CFHR3: variants seen among roughly 807,000 people sequenced by gnomAD.
CFHR3 encodes complement factor H related 3, also known as complement factor H-related protein 3.
Under a neutral mutation model 36.0 loss-of-function variants are expected in CFHR3, and 22 were observed. That is an observed-to-expected ratio of 0.61 (90% CI 0.44 to 0.87). The LOEUF (loss-of-function observed/expected upper bound fraction) is 0.87, where lower values mean the gene tolerates loss of function less well. Among genes scored for constraint, CFHR3 ranks in the 40% least tolerant of loss-of-function variants. CFHR3 has a pLI of 0.00. For missense variants in CFHR3, 276 were observed against 401.3 expected, an observed-to-expected ratio of 0.69 and a Z score of 2.67; for synonymous variants, 97 against 137.4, an observed-to-expected ratio of 0.71 and a Z score of 2.06.
In CFHR3 at chr1:196,788,770, C is replaced by A. The variant is rs181861109; in HGVS notation, c.613+372C>A. On this transcript the variant is annotated intron_variant, in intron 4 of 5. Coordinates refer to ENST00000367425, the MANE Select transcript of CFHR3 (RefSeq NM_021023.6). ...CTGCTTGTATTGCATTCCGTGCTCA[C>A]GCTCAGAAAAGTTGTACATGTCGGG... is the stretch of plus-strand genomic sequence containing the variant. The A allele has an allele frequency of 6.9e-6, 10 of 1,454,990 alleles. 3 individuals are homozygous for A. The highest frequency in any genetic ancestry group is 9.1e-6 in the Non-Finnish European group (10 of 1,098,032). The allele number at this position is 1,454,990 out of a possible 1,614,324, so 90.1% of individuals were successfully genotyped here.
chr1:196,783,111 A>T lies in CFHR3; in HGVS notation c.430+3138A>T, dbSNP rs979060764. Among the ~76,000 whole-genome samples, 7 of 136,242 alleles carry T rather than the reference A, an allele frequency of 5.1e-5. 1 individual carries two copies. Among genetic ancestry groups the T allele is most frequent in the Non-Finnish European group, 1.1e-4 (7 of 64,410 alleles). The allele number at this position is 136,242 out of a possible 152,430, so 89.4% of individuals were successfully genotyped here. On this transcript the variant is annotated intron_variant, in intron 3 of 5. Transcript: ENST00000367425. Reference sequence around the variant, plus strand: ...TCTATATGCTGGATTACATTTATTGATTTGCGTATATTGAACTAGCCTTGC... The same window carrying T: ...TCTATATGCTGGATTACATTTATTGTTTTGCGTATATTGAACTAGCCTTGC...
intron 3 of CFHR3, among the ~76,000 whole-genome samples, chr1:196,783,183 T>C (rs1202846607): frequency 7.3e-6 from 1 of 136,574 alleles, no homozygotes; most frequent in Non-Finnish European, 1.5e-5. Context: ...AGCTTTTTGA[T>C]GTGCTGTTGG....
At position 196,788,978 on chromosome 1, in the gene CFHR3, T is replaced by C; in HGVS notation, c.613+580T>C. The C allele has an allele frequency of 5.3e-6, 7 of 1,321,576 alleles. 2 individuals are homozygous for C. Among genetic ancestry groups the C allele is most frequent in the Non-Finnish European group, 6.8e-6 (7 of 1,030,918 alleles). 81.9% of individuals were successfully genotyped at this position (1,321,576 alleles called of 1,614,324 possible). On this transcript the variant is annotated intron_variant, in intron 4 of 5. Transcript: ENST00000367425. ...GTGGGCTGAATGTTTACAAACCTCA[T>C]ACTTGCCAATGGATTCTTTACATGT...
In CFHR3 at chr1:196,783,767, T is replaced by C. The variant is rs907606397; in HGVS notation, c.430+3794T>C. 8.0e-5 allele frequency among the ~76,000 whole-genome samples: 11 copies of C among 136,860 alleles called. 1 individual carries two copies. The highest frequency in any genetic ancestry group is 1.5e-4 in the Non-Finnish European group (10 of 64,600). The allele number at this position is 136,860 out of a possible 152,430, so 89.8% of individuals were successfully genotyped here. ...TTCAAAAAACCAGCTCCTGGATTCA[T>C]TAATTTTTTGACAGGCTTTTTGTGC... On this transcript the variant is annotated intron_variant, in intron 3 of 5. Transcript: ENST00000367425.
At chr1:196,775,849 C>A (rs1236625901) in intron 1 of CFHR3, among the ~76,000 whole-genome samples, 1 of 136,896 alleles carries the variant, frequency 7.3e-6, no homozygotes, top group Non-Finnish European at 1.6e-5. Context: ...CTGGAAATCC[C>A]ATTATCAATT....
chr1:196,779,543 T>C (rs1418632861), intron 2 of CFHR3, among the ~76,000 whole-genome samples, 187 bp downstream of exon 2: 1 of 136,598 alleles, frequency 7.3e-6, no homozygotes, highest in Non-Finnish European at 1.6e-5. Flanking sequence ...GAAAAATAAA[T>C]ATAGAGACTT....
In CFHR3 at chr1:196,788,649, A is replaced by G; in HGVS notation, c.613+251A>G. On this transcript the variant is annotated intron_variant, in intron 4 of 5. Transcript: ENST00000367425. ...ATAAAAGCAATCTTATCATGTACAGACTAGTTAGGGAGCTGCATGAGAGTA... is the reference window on the plus strand; with the variant it reads ...ATAAAAGCAATCTTATCATGTACAGGCTAGTTAGGGAGCTGCATGAGAGTA... 10 of 1,423,200 alleles carry G rather than the reference A, an allele frequency of 7.0e-6. 2 individuals are homozygous for G. Among genetic ancestry groups the G allele is most frequent in the Non-Finnish European group, 8.4e-6 (9 of 1,067,762 alleles). 88.2% of individuals were successfully genotyped at this position (1,423,200 alleles called of 1,614,324 possible).
chr1:196,791,522 G>C (rs56232542), intron 5 of CFHR3, among the ~76,000 whole-genome samples: 5,333 of 94,882 alleles, frequency 0.056, 388 homozygotes, highest in East Asian at 0.18. Flanking sequence ...ACAAGCAGTT[G>C]TTTTCTGTGA....
At chr1:196,785,692 C>T (rs1258048034) in intron 3 of CFHR3, among the ~76,000 whole-genome samples, 3 of 136,934 alleles carry the variant, frequency 2.2e-5, no homozygotes, top group Non-Finnish European at 4.6e-5. Flanking sequence ...GGTTATTCTA[C>T]TTATACATTT....
chr1:196,795,169 G>C lies in CFHR3; in HGVS notation c.*1656G>C, dbSNP rs1462977681. The C allele has an allele frequency of 7.3e-6, 1 of 136,784 alleles. No individual in the cohort carries two copies. Among genetic ancestry groups the C allele is most frequent in the Non-Finnish European group, 1.5e-5 (1 of 64,550 alleles). 8.5% of individuals were successfully genotyped at this position (136,784 alleles called of 1,614,324 possible). On this transcript the variant is annotated 3_prime_UTR_variant, in exon 6 of 6. Coordinates refer to ENST00000367425, the MANE Select transcript of CFHR3 (RefSeq NM_021023.6). ...ATTATATAATCACCATGCATCAAAGGTAGGGCCAGGTGGAGATAATGGAAT... is the reference window on the plus strand; with the variant it reads ...ATTATATAATCACCATGCATCAAAGCTAGGGCCAGGTGGAGATAATGGAAT...
At position 196,791,494 on chromosome 1, in the gene CFHR3, T is replaced by C. The variant is rs1458269147; in HGVS notation, c.796+1267T>C. ...TCATGAGTTTTTCAAGTGCTCAAGT[T>C]CCTAAGTACAGGATGATACAAGCAG... On this transcript the variant is annotated intron_variant, in intron 5 of 5. Coordinates refer to ENST00000367425, the MANE Select transcript of CFHR3 (RefSeq NM_021023.6). 1.7e-5 allele frequency among the ~76,000 whole-genome samples: 2 copies of C among 116,828 alleles called. 1 individual carries two copies. The highest frequency in any genetic ancestry group is 1.6e-4 in the Admixed American group (2 of 12,170). 76.6% of individuals were successfully genotyped at this position (116,828 alleles called of 152,430 possible).
Position 196,781,672 on chromosome 1 carries a change from G to T in CFHR3, c.430+1699G>T, listed in dbSNP as rs1215729853. Among the ~76,000 whole-genome samples, 2 of 135,088 alleles carry T rather than the reference G, an allele frequency of 1.5e-5. 1 individual carries two copies. Among genetic ancestry groups the T allele is most frequent in the Non-Finnish European group, 3.1e-5 (2 of 64,146 alleles). 88.6% of individuals were successfully genotyped at this position (135,088 alleles called of 152,430 possible). A position where few individuals can be genotyped will look rare whatever the true frequency, so the allele number is the denominator to read the frequency against. On this transcript the variant is annotated intron_variant, in intron 3 of 5. Transcript: ENST00000367425. ...TTGTTTGTTTTTTTCTTGTAAATTT[G>T]TTTGAGTTCATTGTAGATTCTGGAT... is the stretch of plus-strand genomic sequence containing the variant.
rs1342593909 is a variant in CFHR3, at chr1:196,780,262, C to T, written c.430+289C>T. ...TCATATTGAAGCGGCATTAATGTCT[C>T]GGGTAAATACCCGAGGTTCGTCATC... On this transcript the variant is annotated intron_variant, in intron 3 of 5. Coordinates refer to ENST00000367425, the MANE Select transcript of CFHR3 (RefSeq NM_021023.6). Among the ~76,000 whole-genome samples, 3 of 136,984 alleles carry T rather than the reference C, an allele frequency of 2.2e-5. 1 individual carries two copies. The highest frequency in any genetic ancestry group is 6.1e-5 in the African/African-American group (2 of 32,862). The allele number at this position is 136,984 out of a possible 152,430, so 89.9% of individuals were successfully genotyped here.
At chr1:196,782,352 A>G (rs1558198468) in intron 3 of CFHR3, among the ~76,000 whole-genome samples, 1 of 137,154 alleles carries the variant, frequency 7.3e-6, no homozygotes, top group Non-Finnish European at 1.5e-5. Flanking sequence ...AGTCATTGGT[A>G]GCTTGATGGG....
rs943999851 is a variant in CFHR3, at chr1:196,786,895, G to A, written c.431-1321G>A. Reference sequence around the variant, plus strand: ...AATGCAGAAATCACCCGTCTTCTGCGTCGCTCACGCTGGGAGCTGTAGACC... The same window carrying A: ...AATGCAGAAATCACCCGTCTTCTGCATCGCTCACGCTGGGAGCTGTAGACC... On this transcript the variant is annotated intron_variant, in intron 3 of 5. Coordinates refer to ENST00000367425, the MANE Select transcript of CFHR3 (RefSeq NM_021023.6). Among the ~76,000 whole-genome samples the A allele has an allele frequency of 4.4e-5, 6 of 137,386 alleles. 1 individual carries two copies. Among genetic ancestry groups the A allele is most frequent in the Non-Finnish European group, 9.3e-5 (6 of 64,660 alleles). The allele number at this position is 137,386 out of a possible 152,430, so 90.1% of individuals were successfully genotyped here. A position where few individuals can be genotyped will look rare whatever the true frequency, so the allele number is the denominator to read the frequency against.
Position 196,794,858 on chromosome 1 carries a change from G to C in CFHR3, c.*1345G>C, listed in dbSNP as rs1225822877. On this transcript the variant is annotated 3_prime_UTR_variant, in exon 6 of 6. Transcript: ENST00000367425. ...ATTATAGAGAAAAAAGCATGAACTT[G>C]TATAATGATCTAGTCCTGTACAGAA... 4.2e-6 allele frequency: 1 copy of C among 239,050 alleles called. No individual in the cohort carries two copies. Among genetic ancestry groups the C allele is most frequent in the Non-Finnish European group, 7.8e-6 (1 of 127,498 alleles). The allele number at this position is 239,050 out of a possible 1,614,324, so 14.8% of individuals were successfully genotyped here.
intron 3 of CFHR3, among the ~76,000 whole-genome samples, chr1:196,782,202 G>C (rs186338053): frequency 0.28 from 38,368 of 135,726 alleles, 10,946 homozygotes; most frequent in East Asian, 0.51. Flanking sequence ...TTTGGTTACT[G>C]TAGCCTTGTA....
intron 3 of CFHR3, among the ~76,000 whole-genome samples, chr1:196,780,652 A>G (rs1353758903): frequency 7.3e-6 from 1 of 136,466 alleles, no homozygotes; most frequent in African/African-American, 3.1e-5. Context: ...TTCTGAAGGT[A>G]AAATCTCTTT....
In CFHR3 at chr1:196,780,580, T is replaced by C. The variant is rs1337330815; in HGVS notation, c.430+607T>C. ...GATTCTAAAATTTGGAAATGCAGTT[T>C]GATTTCTTTTATTTATCTTTTTGGG... is the stretch of plus-strand genomic sequence containing the variant. On this transcript the variant is annotated intron_variant, in intron 3 of 5. Coordinates refer to ENST00000367425, the MANE Select transcript of CFHR3 (RefSeq NM_021023.6). 2.2e-5 allele frequency among the ~76,000 whole-genome samples: 3 copies of C among 137,186 alleles called. 1 individual carries two copies. In the East Asian group the frequency reaches 5.8e-4, roughly 27 times the overall value. 90.0% of individuals were successfully genotyped at this position (137,186 alleles called of 152,430 possible).
Sources: gnomAD v4.1 joint callset for allele counts (sites outside exome capture counted in the v4.1 genomes callset) on GRCh38, gnomAD v4.1.1 for gene constraint, MANE v1.5 for transcripts, NCBI Gene and HGNC (gene_info 2026-07-23, HGNC 2026-07-21) for gene names.